SBNO2: variants seen among roughly 807,000 people sequenced by gnomAD.
SBNO2 encodes protein strawberry notch homolog 2.
Under a neutral mutation model 146.3 loss-of-function variants are expected in SBNO2, and 89 were observed. That is an observed-to-expected ratio of 0.61 (90% CI 0.51 to 0.73). The LOEUF is 0.73. Among genes scored for constraint, SBNO2 ranks in the 30% least tolerant of loss-of-function variants. SBNO2 has a pLI of 0.00. For missense variants in SBNO2, 2,092 were observed against 2,003.7 expected (o/e 1.04, Z -0.84); for synonymous variants, 1,147 against 892.6 (o/e 1.29, Z -5.08).
In SBNO2 at chr19:1,114,369, C is replaced by A; in HGVS notation, c.1939G>T (p.Gly647Cys). 6.4e-7 allele frequency: 1 copy of A among 1,555,424 alleles called. No homozygotes were observed. Among genetic ancestry groups the A allele is most frequent in the Non-Finnish European group, 8.7e-7 (1 of 1,149,724 alleles). The change falls in exon 18 of 32, where the codon GGC becomes TGC. Residue 647 changes from glycine (G) to cysteine (C), a missense_variant. Coordinates refer to ENST00000361757, the MANE Select transcript of SBNO2 (RefSeq NM_014963.3). ...CTGTCGTCACTGATGCGGATGACGC[C>A]CGCTGTCTCGCACGCCAGCCGGGGG... ...KAPRLACETA[G>C]VIRISDDSST...
At chr19:1,143,090 T>C (rs2080155922) in intron 4 of SBNO2, among the ~76,000 whole-genome samples, 1 of 152,170 alleles carries the variant, frequency 6.6e-6, no homozygotes, top group African/African-American at 2.4e-5. Flanking sequence ...GCAGGAAACA[T>C]TTGCAGGGAA....
intron 1 of SBNO2, among the ~76,000 whole-genome samples, chr19:1,168,543 GCTGT>G (rs1409035949): frequency 7.9e-5 from 12 of 152,216 alleles, no homozygotes; most frequent in African/African-American, 2.9e-4. Context: ...CACCCTGGCG[GCTGT>G]CTGTCCCCAC....
In SBNO2 at chr19:1,115,951, G is replaced by C. The variant is rs576081449; in HGVS notation, c.1885+70C>G. 7.0e-5 allele frequency: 73 copies of C among 1,048,576 alleles called. 1 individual carries two copies. The South Asian group carries it at 9.2e-4, about 13-fold the overall frequency. 65.0% of individuals were successfully genotyped at this position (1,048,576 alleles called of 1,614,324 possible). The stretch of plus-strand genomic sequence containing the variant: ...CGGGGGAGTGGGGGAAGCAGGGAGC[G>C]ACCAGCCAGCCCCCGGGGGGAGAAA... On this transcript the variant is annotated intron_variant, in intron 17 of 31. Coordinates refer to ENST00000361757, the MANE Select transcript of SBNO2 (RefSeq NM_014963.3).
At chr19:1,128,294 C>A in intron 4 of SBNO2, 1 of 414,418 alleles carries the variant, frequency 2.4e-6, no homozygotes, top group East Asian at 7.1e-5. Flanking sequence ...TGCCCTGTGC[C>A]GGAGGCAGGG....
intron 1 of SBNO2, among the ~76,000 whole-genome samples, chr19:1,156,010 G>A (rs2080286749): frequency 6.6e-6 from 1 of 152,200 alleles, no homozygotes; most frequent in East Asian, 1.9e-4. Flanking sequence ...CTGAGCTGAT[G>A]GGCAGCAGGG....
chr19:1,162,009 CG>C (rs902200490), intron 1 of SBNO2, among the ~76,000 whole-genome samples: 3 of 143,550 alleles, frequency 2.1e-5, no homozygotes, highest in Non-Finnish European at 4.5e-5. Flanking sequence ...CCAAGGTGAG[CG>C]GGCACGGCCA....
rs1358491854 is a variant in SBNO2 at position 1,157,201 on chromosome 19, C to G, written c.-126-2799G>C. Among the ~76,000 whole-genome samples the G allele has an allele frequency of 6.6e-6, 1 of 152,158 alleles. No individual in the cohort carries two copies. The highest frequency in any genetic ancestry group is 2.1e-4 in the South Asian group (1 of 4,830). ...ACCCTTCCCCCATTGACTCCGCCGC[C>G]GTTTCTTGCAGCAGCTGTGACCACG... On this transcript the variant is annotated intron_variant, in intron 1 of 31. Coordinates refer to ENST00000361757, the MANE Select transcript of SBNO2 (RefSeq NM_014963.3). This position sits in a 1 kb window ranked among gnomAD's most constrained non-coding sequence, Gnocchi z 6.8.
chr19:1,123,190 T>G (rs2079925171), intron 7 of SBNO2, 145 bp from the exon 8 acceptor site: 1 of 957,260 alleles, frequency 1.0e-6, no homozygotes, highest in African/African-American at 1.6e-5. Context: ...GGGCGGGTCA[T>G]GGGCGTGGCC....
rs912157478 is a variant in SBNO2 at position 1,136,550 on chromosome 19, C to A, written c.280-8785G>T. On this transcript the variant is annotated intron_variant, in intron 4 of 31. Transcript: ENST00000361757. The surrounding 1 kb of genome is among the most constrained non-coding windows in gnomAD (Gnocchi z 4.2). ...TCCCGGGGGGGCTGTGGCCTCAGCA[C>A]AGACCAGGGGACAGAAGGTGGCTCT... 1.3e-5 allele frequency among the ~76,000 whole-genome samples: 2 copies of A among 152,204 alleles called. No individual in the cohort carries two copies. The highest frequency in any genetic ancestry group is 4.8e-5 in the African/African-American group (2 of 41,454).
intron 14 of SBNO2, 86 bp downstream of exon 14, chr19:1,118,925 G>A: frequency 1.4e-6 from 2 of 1,388,292 alleles, no homozygotes; most frequent in South Asian, 1.3e-5. Context: ...GTCACCTGAT[G>A]ACGCCTGTGG....
chr19:1,132,817 G>A (rs2080046357), intron 4 of SBNO2, among the ~76,000 whole-genome samples: 1 of 152,226 alleles, frequency 6.6e-6, no homozygotes, highest in Non-Finnish European at 1.5e-5. Flanking sequence ...GCTGGCGGAG[G>A]GAGAGCTGAG....
intron 4 of SBNO2, among the ~76,000 whole-genome samples, chr19:1,134,507 T>C (rs947010580): frequency 6.2e-5 from 9 of 144,306 alleles, no homozygotes; most frequent in Non-Finnish European, 1.4e-4. Flanking sequence ...CGGATGCACC[T>C]TGAGGACCTC....
chr19:1,159,120 C>T (rs1376525709), intron 1 of SBNO2, among the ~76,000 whole-genome samples: 1 of 152,228 alleles, frequency 6.6e-6, no homozygotes, highest in Non-Finnish European at 1.5e-5. Context: ...GCACACTGGC[C>T]TCCAGATGGG....
Position 1,113,612 on chromosome 19 carries a change from G to C in SBNO2, c.2170C>G (p.Arg724Gly). 1 of 1,596,960 alleles carries C rather than the reference G, an allele frequency of 6.3e-7. No homozygotes were observed. The highest frequency in any genetic ancestry group is 8.5e-7 in the Non-Finnish European group (1 of 1,173,920). Residue 724 changes from arginine (R) to glycine (G), a missense_variant, in exon 19 of 32, where the codon CGG becomes GGG. Transcript: ENST00000361757. Reference sequence around the variant, plus strand: ...TTGACTGGCAGTTCCCGGCCCAGCCGCCGCACTTTGTCCAGCAGATCCTGC... The same window carrying C: ...TTGACTGGCAGTTCCCGGCCCAGCCCCCGCACTTTGTCCAGCAGATCCTGC... ...LKQDLLDKVRRLGRELPVNTL... is the reference protein window; with the variant it reads ...LKQDLLDKVRGLGRELPVNTL...
rs1381796724 is a variant in SBNO2, at chr19:1,150,764, C to G, written c.94-1322G>C. On this transcript the variant is annotated intron_variant, in intron 2 of 31. Coordinates refer to ENST00000361757, the MANE Select transcript of SBNO2 (RefSeq NM_014963.3). The surrounding 1 kb of genome is among the most constrained non-coding windows in gnomAD (Gnocchi z 6.2). The stretch of plus-strand genomic sequence containing the variant: ...CCCTGGGGCTCGGCCACCTCTGCCC[C>G]TCATTCACCTCACACTGGCTGGGAA... Among the ~76,000 whole-genome samples, 1 of 152,312 alleles carries G rather than the reference C, an allele frequency of 6.6e-6. No homozygotes were observed. Among genetic ancestry groups the G allele is most frequent in the Middle Eastern group, 3.4e-3 (1 of 294 alleles).
intron 1 of SBNO2, among the ~76,000 whole-genome samples, chr19:1,156,181 C>T (rs2080288276): frequency 6.6e-6 from 1 of 152,132 alleles, no homozygotes; most frequent in Admixed American, 6.5e-5. Context: ...GCACGGTGCT[C>T]CTGGCAGCTC....
chr19:1,108,295 C>A lies in SBNO2; in HGVS notation c.4026G>T (p.Ala1342=), dbSNP rs975802463. 6.2e-5 allele frequency: 92 copies of A among 1,492,412 alleles called. No individual in the cohort carries two copies. The Admixed American group carries it at 1.9e-3, about 31-fold the overall frequency. The allele number at this position is 1,492,412 out of a possible 1,614,324, so 92.4% of individuals were successfully genotyped here. ...ALGEGAGAGG[A]AGGGPERQSV... ...TCTGCCGCTCGGGACCACCGCCCGC[C>A]GCGCCCCCCGCCCCCGCGCCCTCCC... is the stretch of plus-strand genomic sequence containing the variant. Residue 1342 remains alanine (A), a synonymous_variant, in exon 32 of 32, where the codon GCG becomes GCT. Transcript: ENST00000361757.
chr19:1,123,894 G>A, intron 6 of SBNO2, 48 bp downstream of exon 6: 2 of 1,547,358 alleles, frequency 1.3e-6, no homozygotes, highest in Non-Finnish European at 1.8e-6. Flanking sequence ...CTCTCCTTAG[G>A]TCCCATGAGA....
At position 1,149,469 on chromosome 19, in the gene SBNO2, G is replaced by GT. The variant is rs763308077; in HGVS notation, c.94-28dup. On this transcript the variant is annotated intron_variant, in intron 2 of 31. Coordinates refer to ENST00000361757, the MANE Select transcript of SBNO2 (RefSeq NM_014963.3). Reference sequence around the variant, plus strand: ...TAGAAGAGACAGCGGGCATCAGTGAGTGGGAAGCAGAGGACCTGCGGTGCA... The same window carrying GT: ...TAGAAGAGACAGCGGGCATCAGTGAGTTGGGAAGCAGAGGACCTGCGGTGCA... The GT allele has an allele frequency of 1.2e-5, 19 of 1,546,828 alleles. No homozygotes were observed. The South Asian group carries it at 2.3e-4, about 18-fold the overall frequency.
Sources: allele counts gnomAD v4.1 joint callset (sites outside exome capture counted in the v4.1 genomes callset), GRCh38; gene constraint gnomAD v4.1.1; non-coding constraint Gnocchi (gnomAD v3.1); transcripts MANE v1.5; gene names NCBI Gene and HGNC (gene_info 2026-07-23, HGNC 2026-07-21).